The following LIMCH1 variants were observed in gnomAD, a reference collection of about 807,000 sequenced individuals.
The protein encoded by LIMCH1 is LIM and calponin homology domains 1, also known as LIM and calponin homology domains-containing protein 1.
LIMCH1 carries 113 observed loss-of-function variants against 176.5 expected under a neutral mutation model. That is an observed-to-expected ratio of 0.64 (90% CI 0.55 to 0.75). LIMCH1 has a LOEUF of 0.75. Among genes scored for constraint, LIMCH1 ranks in the 30% least tolerant of loss-of-function variants. The pLI, the probability that LIMCH1 is intolerant of heterozygous loss-of-function variation, is 0.00. For missense variants in LIMCH1, 1,674 were observed against 1,814.9 expected (o/e 0.92, Z 1.41); for synonymous variants, 619 against 645.9 (o/e 0.96, Z 0.63).
intron 1 of LIMCH1, among the ~76,000 whole-genome samples, chr4:41,561,286 C>G (rs182832477): frequency 6.9e-4 from 105 of 152,334 alleles, no homozygotes; most frequent in Admixed American, 3.9e-3. Flanking sequence ...AGTCTTGCTT[C>G]CTTGGCTGTA....
chr4:41,424,861 T>A (rs1160165179), intron 1 of LIMCH1, among the ~76,000 whole-genome samples: 1 of 152,200 alleles, frequency 6.6e-6, no homozygotes, highest in East Asian at 1.9e-4. Flanking sequence ...CATCTTCTGT[T>A]TCCTGCAGGA....
intron 1 of LIMCH1, among the ~76,000 whole-genome samples, chr4:41,547,049 A>G (rs1053507595): frequency 1.1e-4 from 17 of 152,164 alleles, no homozygotes; most frequent in African/African-American, 2.2e-4. Context: ...TAATAATTAT[A>G]TATATTTCTG....
At chr4:41,442,872 A>G (rs1319142694) in intron 1 of LIMCH1, among the ~76,000 whole-genome samples, 4 of 152,332 alleles carry the variant, frequency 2.6e-5, no homozygotes, top group East Asian at 3.8e-4. Flanking sequence ...CTGGAAAACT[A>G]AGATTTTTAA....
chr4:41,645,890 A>G (rs539899716), intron 15 of LIMCH1, among the ~76,000 whole-genome samples: 9 of 152,272 alleles, frequency 5.9e-5, no homozygotes, highest in Non-Finnish European at 1.3e-4. Flanking sequence ...CCATATTTAA[A>G]TAAATGTGCA....
At chr4:41,456,947 GTGAAGACAATA>G (rs1483193540) in intron 1 of LIMCH1, among the ~76,000 whole-genome samples, 28 of 152,130 alleles carry the variant, frequency 1.8e-4, no homozygotes, top group Non-Finnish European at 2.4e-4. Flanking sequence ...GTTTCAAGGT[GTGAAGACAATA>G]TTCTCTTCCT....
chr4:41,398,951 A>G (rs564723576), intron 1 of LIMCH1, among the ~76,000 whole-genome samples: 1 of 152,192 alleles, frequency 6.6e-6, no homozygotes, highest in Non-Finnish European at 1.5e-5. Flanking sequence ...GGCAAAATCT[A>G]GGAACTCTTT....
At chr4:41,499,248 C>A (rs1484026685) in intron 2 of LIMCH1, among the ~76,000 whole-genome samples, 1 of 152,150 alleles carries the variant, frequency 6.6e-6, no homozygotes, top group Non-Finnish European at 1.5e-5. Flanking sequence ...TATCCATATA[C>A]CCTGCACCTC....
intron 8 of LIMCH1, among the ~76,000 whole-genome samples, chr4:41,627,654 GT>G (rs1313729360): frequency 6.6e-6 from 1 of 152,182 alleles, no homozygotes; most frequent in Non-Finnish European, 1.5e-5. Context: ...CTTAATACAT[GT>G]TGGAGTGAAT....
intron 18 of LIMCH1, among the ~76,000 whole-genome samples, chr4:41,652,239 A>T (rs1379357776): frequency 1.3e-5 from 2 of 152,146 alleles, no homozygotes; most frequent in African/African-American, 2.4e-5. Context: ...TCTTTTGAAG[A>T]CTAAAATTAT....
Position 41,680,076 on chromosome 4 carries a change from A to G in LIMCH1, c.3590A>G (p.Glu1197Gly). ...AAGGCCCAAAAGGAGGTGGAAGAGG[A>G]AGAACGCAGATACTATGAGGAGGTA... ...WEKAQKEVEE[E>G]ERRYYEEERK... is the part of the protein sequence containing the mutation. Residue 1197 changes from glutamate (E) to glycine (G), a missense_variant, in exon 24 of 32, where the codon GAA (glutamate) becomes GGA (glycine). By Grantham distance (98) the Glu-to-Gly change is moderately conservative. Around this residue, in one of 3 missense-constraint regions of LIMCH1, gnomAD observed 1,015 missense variants for 1,102.5 expected, o/e 0.92. Coordinates refer to ENST00000503057, the MANE Select transcript of LIMCH1 (RefSeq NM_001330672.2). 1 of 1,607,726 alleles carries G rather than the reference A, an allele frequency of 6.2e-7. No individual in the cohort carries two copies. The highest frequency in any genetic ancestry group is 8.5e-7 in the Non-Finnish European group (1 of 1,176,990).
intron 22 of LIMCH1, among the ~76,000 whole-genome samples, chr4:41,671,810 A>C (rs1467600262): frequency 6.6e-6 from 1 of 151,324 alleles, no homozygotes; most frequent in African/African-American, 2.4e-5. Context: ...AAAAATACAA[A>C]AATTAGGCAG....
intron 1 of LIMCH1, among the ~76,000 whole-genome samples, chr4:41,481,099 A>T (rs2068539267): frequency 1.3e-5 from 2 of 152,082 alleles, no homozygotes. Context: ...TGATGAAAAT[A>T]TAAATGGATT....
chr4:41,548,152 T>G (rs2079863841), intron 1 of LIMCH1, among the ~76,000 whole-genome samples: 1 of 151,976 alleles, frequency 6.6e-6, no homozygotes, highest in South Asian at 2.1e-4. Context: ...TACAGATCAT[T>G]GCACTTCTCC....
intron 2 of LIMCH1, among the ~76,000 whole-genome samples, chr4:41,524,255 A>G (rs2076401623): frequency 6.6e-6 from 1 of 152,228 alleles, no homozygotes; most frequent in Admixed American, 6.5e-5. Flanking sequence ...CTTCACTTAT[A>G]TGCATGAAGG....
At chr4:41,472,518 C>T (rs906630621) in intron 1 of LIMCH1, among the ~76,000 whole-genome samples, 1 of 152,058 alleles carries the variant, frequency 6.6e-6, no homozygotes, top group Non-Finnish European at 1.5e-5. Context: ...CTCTTGGGCC[C>T]AAGTGATCCT....
chr4:41,546,129 T>C (rs1399799832), intron 1 of LIMCH1, among the ~76,000 whole-genome samples: 1 of 152,096 alleles, frequency 6.6e-6, no homozygotes, highest in African/African-American at 2.4e-5. Context: ...GAAAGAAGCC[T>C]TCATTGGTCT....
intron 1 of LIMCH1, among the ~76,000 whole-genome samples, chr4:41,572,474 G>A (rs1324298565): frequency 6.6e-6 from 1 of 152,074 alleles, no homozygotes; most frequent in Non-Finnish European, 1.5e-5. Flanking sequence ...AATTAAGAGT[G>A]GAATTTGAGT....
intron 1 of LIMCH1, among the ~76,000 whole-genome samples, chr4:41,446,619 G>A (rs1283354695): frequency 2.0e-5 from 3 of 152,154 alleles, no homozygotes; most frequent in East Asian, 3.9e-4. Context: ...AGTGTTGGAA[G>A]ACAACTACAT....
In LIMCH1 at chr4:41,501,925, C is replaced by T. The variant is rs991197457; in HGVS notation, c.167+7319C>T. ...AATTTTTATTTTAAGTTCCAGGGTA[C>T]GTGTGCAGGATATGCAGGTTTGTTA... On this transcript the variant is annotated intron_variant, in intron 2 of 26. Coordinates refer to the LIMCH1 transcript ENST00000313860. Among the ~76,000 whole-genome samples the T allele has an allele frequency of 8.0e-5, 10 of 125,120 alleles. No homozygotes were observed. In the Admixed American group the frequency reaches 9.3e-4, roughly 12 times the overall value. 82.1% of individuals were successfully genotyped at this position (125,120 alleles called of 152,430 possible). A position where few individuals can be genotyped will look rare whatever the true frequency, so the allele number is the denominator to read the frequency against.
Sources: allele counts gnomAD v4.1 joint callset (sites outside exome capture counted in the v4.1 genomes callset), GRCh38; gene constraint gnomAD v4.1.1; regional missense constraint gnomAD v4.1.1; transcripts MANE v1.5; gene names NCBI Gene and HGNC (gene_info 2026-07-23, HGNC 2026-07-21).